Variants in BLZF1 observed in about 807,000 individuals in gnomAD.
BLZF1 encodes the protein golgin-45.
A neutral mutation model predicts 43.8 loss-of-function variants in BLZF1; 39 were observed. The ratio of observed to expected loss-of-function variants is 0.89; its 90% CI spans 0.69 to 1.16. The LOEUF (loss-of-function observed/expected upper bound fraction) is 1.16, where lower values mean the gene tolerates loss of function less well. BLZF1 is among the 50% of genes most tolerant of loss of function. The pLI is 0.00. For missense variants in BLZF1, 449 were observed against 469.8 expected, an observed-to-expected ratio of 0.96 and a Z score of 0.41; for synonymous variants, 136 against 159.4, an observed-to-expected ratio of 0.85 and a Z score of 1.11.
downstream of BLZF1, among the ~76,000 whole-genome samples, chr1:169,391,653 G>T (rs1190098349): frequency 6.6e-6 from 1 of 152,182 alleles, no homozygotes; most frequent in African/African-American, 2.4e-5. Flanking sequence ...TACCTTCTAA[G>T]CTATATGTCC....
chr1:169,384,639 A>T (rs1654619904), intron 6 of BLZF1, among the ~76,000 whole-genome samples: 1 of 152,072 alleles, frequency 6.6e-6, no homozygotes, highest in South Asian at 2.1e-4. Flanking sequence ...ATTGTATCTC[A>T]TGCCTCTGTA....
intron 4 of BLZF1, among the ~76,000 whole-genome samples, chr1:169,379,385 A>C (rs973134345): frequency 6.6e-6 from 1 of 151,998 alleles, no homozygotes; most frequent in African/African-American, 2.4e-5. Flanking sequence ...TCTTTTGTTT[A>C]TCTCCTAATT....
At chr1:169,372,798 CAAT>C (rs1654164368) in intron 2 of BLZF1, among the ~76,000 whole-genome samples, 1 of 152,170 alleles carries the variant, frequency 6.6e-6, no homozygotes, top group East Asian at 1.9e-4. Flanking sequence ...CAATGACAGA[CAAT>C]AAATTTTTTT....
At chr1:169,394,153 T>C (rs1455848868) in intron 7 of BLZF1, among the ~76,000 whole-genome samples, 1 of 152,202 alleles carries the variant, frequency 6.6e-6, no homozygotes, top group Non-Finnish European at 1.5e-5. Context: ...AAAATATTCA[T>C]GTCTATATAG....
intron 6 of BLZF1, among the ~76,000 whole-genome samples, chr1:169,383,260 A>AT (rs1654576400): frequency 6.6e-6 from 1 of 152,152 alleles, no homozygotes; most frequent in Non-Finnish European, 1.5e-5. Flanking sequence ...GCCTATCTGT[A>AT]TGGCAGCATA....
chr1:169,388,807 A>T (rs1654744875), downstream of BLZF1, among the ~76,000 whole-genome samples: 1 of 152,024 alleles, frequency 6.6e-6, no homozygotes, highest in Non-Finnish European at 1.5e-5. Context: ...CAAGATGGCG[A>T]AACCCCATCT....
At chr1:169,371,010 T>G (rs538475639) in intron 2 of BLZF1, among the ~76,000 whole-genome samples, 1 of 152,328 alleles carries the variant, frequency 6.6e-6, no homozygotes, top group South Asian at 2.1e-4. Context: ...GTTTTCTAGA[T>G]GCCAATTTTT....
chr1:169,373,987 C>T (rs1326688736), intron 2 of BLZF1, among the ~76,000 whole-genome samples: 1 of 151,922 alleles, frequency 6.6e-6, no homozygotes, highest in Non-Finnish European at 1.5e-5. Context: ...ATACATGATT[C>T]TGTGTTACTT....
At chr1:169,375,501 T>C (rs1374729451) in intron 2 of BLZF1, among the ~76,000 whole-genome samples, 2 of 147,658 alleles carry the variant, frequency 1.4e-5, no homozygotes, top group Admixed American at 6.8e-5. Context: ...AATGTTTCTA[T>C]AGACATAAAA....
intron 2 of BLZF1, 90 bp from the exon 3 acceptor site, chr1:169,376,450 G>GT (rs1227755378): frequency 1.8e-5 from 19 of 1,084,708 alleles, no homozygotes; most frequent in Non-Finnish European, 2.4e-5. Flanking sequence ...TTTAGTGCCA[G>GT]TAATTTTGAA....
intron 6 of BLZF1, among the ~76,000 whole-genome samples, chr1:169,383,490 T>C (rs1654583823): frequency 6.6e-6 from 1 of 152,202 alleles, no homozygotes; most frequent in Non-Finnish European, 1.5e-5. Flanking sequence ...TCCAAGAATC[T>C]TGGACAAGTT....
Position 169,382,177 on chromosome 1 carries a change from G to A in BLZF1, c.913G>A (p.Ala305Thr), listed in dbSNP as rs1290209228. 1 of 1,613,786 alleles carries A rather than the reference G, an allele frequency of 6.2e-7. No individual in the cohort carries two copies. Among genetic ancestry groups the A allele is most frequent in the Non-Finnish European group, 8.5e-7 (1 of 1,179,766 alleles). The change falls in exon 6 of 7, where the codon GCA becomes ACA. Residue 305 changes from alanine (A) to threonine (T), a missense_variant. Coordinates refer to ENST00000367808, the MANE Select transcript of BLZF1 (RefSeq NM_001320973.2). ...ATTAACAAATCACAAGTTGGCAAAA[G>A]CAGTAAATTCTCATCTTCTGGGAAA... is the stretch of plus-strand genomic sequence containing the variant. ...LALTNHKLAK[A>T]VNSHLLGNVG... is the part of the protein sequence containing the mutation.
downstream of BLZF1, among the ~76,000 whole-genome samples, chr1:169,388,490 C>T (rs1654735151): frequency 6.6e-6 from 1 of 152,072 alleles, no homozygotes; most frequent in Non-Finnish European, 1.5e-5. Context: ...AATATGACAA[C>T]AGAAGCACAG....
chr1:169,387,417 G>A lies in BLZF1; in HGVS notation c.*235G>A, dbSNP rs112212430. 16 of 349,134 alleles carry A rather than the reference G, an allele frequency of 4.6e-5. No homozygotes were observed. Among genetic ancestry groups the A allele is most frequent in the African/African-American group, 3.0e-4 (14 of 46,994 alleles). The allele number at this position is 349,134 out of a possible 1,614,324, so 21.6% of individuals were successfully genotyped here. Reference sequence around the variant, plus strand: ...ATTTAAAATAGAGAATACTTTCCAAGCAATACATGATACTTTTCCTAAAAG... The same window carrying A: ...ATTTAAAATAGAGAATACTTTCCAAACAATACATGATACTTTTCCTAAAAG... On this transcript the variant is annotated 3_prime_UTR_variant, in exon 7 of 7. Transcript: ENST00000367808.
chr1:169,395,297 A>C, intron 7 of BLZF1: 1 of 1,107,878 alleles, frequency 9.0e-7, no homozygotes, highest in Non-Finnish European at 1.2e-6. Flanking sequence ...AAATAAATGG[A>C]CATTTCTTTA....
chr1:169,377,813 A>G (rs1654406842), intron 3 of BLZF1, among the ~76,000 whole-genome samples: 1 of 152,026 alleles, frequency 6.6e-6, no homozygotes, highest in African/African-American at 2.4e-5. Context: ...TTCAATAGCT[A>G]TACCATATAC....
At position 169,376,794 on chromosome 1, in the gene BLZF1, A is replaced by G; in HGVS notation, c.283A>G (p.Lys95Glu). The G allele has an allele frequency of 2.5e-6, 4 of 1,613,460 alleles. No homozygotes were observed. The highest frequency in any genetic ancestry group is 3.4e-6 in the Non-Finnish European group (4 of 1,179,606). ...TGCTATAACTCATGATATCCCCAAC[A>G]AAAATACAAAGGTTAAGTCTCTGGG... ...KAAITHDIPN[K>E]NTKVKSLGHH... Residue 95 changes from lysine to glutamate, a missense_variant, in exon 3 of 7, where the codon AAA becomes GAA. Physicochemically the swap from Lys to Glu is moderately conservative, Grantham distance 56 (BLOSUM62 1). Coordinates refer to ENST00000367808, the MANE Select transcript of BLZF1 (RefSeq NM_001320973.2).
rs556239927 is a variant in BLZF1, at chr1:169,375,555, ATATAT to A, written c.29-981_29-977del. ...TATACCACTTACCTGCACACTTATTATATATTATCCTGTAATACATTTTATCTTTT... is the reference window on the plus strand; with the variant it reads ...TATACCACTTACCTGCACACTTATTATATCCTGTAATACATTTTATCTTTT... On this transcript the variant is annotated intron_variant, in intron 2 of 6. Transcript: ENST00000367808. 3.9e-3 allele frequency among the ~76,000 whole-genome samples: 591 copies of A among 150,082 alleles called. 7 individuals carry two copies. Among genetic ancestry groups the A allele is most frequent in the Middle Eastern group, 0.018 (5 of 284 alleles).
chr1:169,388,368 CTACT>C (rs1654732128), downstream of BLZF1: 1 of 152,140 alleles, frequency 6.6e-6, no homozygotes, highest in Non-Finnish European at 1.5e-5. Context: ...TCTAGCTTAA[CTACT>C]TCCAATTGAT....
Sources: allele counts gnomAD v4.1 joint callset (sites outside exome capture counted in the v4.1 genomes callset), GRCh38; gene constraint gnomAD v4.1.1; transcripts MANE v1.5; gene names NCBI Gene and HGNC (gene_info 2026-07-23, HGNC 2026-07-21).